BCAR3: variants seen among roughly 807,000 people sequenced by gnomAD.
BCAR3 encodes BCAR3 adaptor protein, NSP family member, also known as breast cancer anti-estrogen resistance protein 3.
A neutral mutation model predicts 80.1 loss-of-function variants in BCAR3; 37 were observed. The observed-to-expected ratio is 0.46, with a 90% CI of 0.36 to 0.61. The LOEUF is 0.61. BCAR3 is among the 20% of genes least tolerant of loss of function. The probability of loss-of-function intolerance (pLI) is 0.00; values close to 1 mark genes in which losing one functional copy is unlikely to be tolerated. For missense variants in BCAR3, 978 were observed against 1,068.2 expected, an observed-to-expected ratio of 0.92 and a Z score of 1.18; for synonymous variants, 389 against 418.9, an observed-to-expected ratio of 0.93 and a Z score of 0.87.
intron 2 of BCAR3, among the ~76,000 whole-genome samples, chr1:93,756,421 G>A (rs544900374): frequency 6.6e-6 from 1 of 152,252 alleles, no homozygotes; most frequent in African/African-American, 2.4e-5. Flanking sequence ...CATGGGACAC[G>A]AATGGCTGGT....
At chr1:93,654,907 C>A (rs1322632396) in intron 2 of BCAR3, among the ~76,000 whole-genome samples, 1 of 152,112 alleles carries the variant, frequency 6.6e-6, no homozygotes, top group Non-Finnish European at 1.5e-5. Flanking sequence ...TCCATCATAC[C>A]TGATATTATA....
chr1:93,628,318 AC>A (rs1675509822), intron 3 of BCAR3, among the ~76,000 whole-genome samples: 1 of 152,048 alleles, frequency 6.6e-6, no homozygotes, highest in Non-Finnish European at 1.5e-5. Flanking sequence ...CTGGACAATC[AC>A]AGTAGCCTCC....
chr1:93,782,010 A>G (rs1652778064), intron 2 of BCAR3, among the ~76,000 whole-genome samples: 2 of 152,324 alleles, frequency 1.3e-5, no homozygotes, highest in African/African-American at 4.8e-5. Context: ...ACTGAGTGTC[A>G]AAGCCAGGGA....
chr1:93,778,956 G>A (rs1188396528), intron 2 of BCAR3, among the ~76,000 whole-genome samples: 1 of 152,082 alleles, frequency 6.6e-6, no homozygotes, highest in African/African-American at 2.4e-5. Flanking sequence ...GCTTTGGTGT[G>A]GGGTCATGGT....
chr1:93,628,542 G>A (rs771757290), intron 3 of BCAR3, among the ~76,000 whole-genome samples: 8 of 152,140 alleles, frequency 5.3e-5, no homozygotes, highest in Non-Finnish European at 8.8e-5. Flanking sequence ...TGGAAGAGGC[G>A]GACCCTGGCT....
chr1:93,820,815 C>G (rs777999014), intron 2 of BCAR3, among the ~76,000 whole-genome samples: 6 of 152,136 alleles, frequency 3.9e-5, no homozygotes, highest in Non-Finnish European at 5.9e-5. Flanking sequence ...ACCCTCTAAT[C>G]GTAAGCTTGA....
intron 2 of BCAR3, among the ~76,000 whole-genome samples, chr1:93,737,905 T>C (rs1651032641): frequency 6.6e-6 from 1 of 152,198 alleles, no homozygotes; most frequent in African/African-American, 2.4e-5. Context: ...TGATCATAGC[T>C]CACTGTAACC....
At chr1:93,837,939 T>C (rs762277189) in intron 2 of BCAR3, among the ~76,000 whole-genome samples, 2 of 152,228 alleles carry the variant, frequency 1.3e-5, no homozygotes, top group African/African-American at 2.4e-5. Context: ...AACACTCACA[T>C]GAGTCATGTT....
chr1:93,570,576 C>T (rs1352767497), intron 9 of BCAR3, among the ~76,000 whole-genome samples: 2 of 152,160 alleles, frequency 1.3e-5, no homozygotes, highest in South Asian at 2.1e-4. Flanking sequence ...ATTCAAATGC[C>T]CAGTTTCAGA....
intron 2 of BCAR3, among the ~76,000 whole-genome samples, chr1:93,656,610 C>CTT (rs34484122): frequency 1.7e-4 from 23 of 138,208 alleles, no homozygotes; most frequent in East Asian, 4.2e-4. Context: ...TATCTGAAGT[C>CTT]TTTTTTTTTT....
intron 3 of BCAR3, among the ~76,000 whole-genome samples, chr1:93,608,208 A>C (rs1007274830): frequency 6.6e-6 from 1 of 152,238 alleles, no homozygotes; most frequent in Non-Finnish European, 1.5e-5. Flanking sequence ...ATAGGCCATA[A>C]GATTCTCATG....
At chr1:93,809,442 C>T (rs17110526) in intron 2 of BCAR3, among the ~76,000 whole-genome samples, 21,463 of 151,880 alleles carry the variant, frequency 0.14, 2,465 homozygotes, top group African/African-American at 0.31. Flanking sequence ...CTATTTCTCA[C>T]GATAAAGTCT....
At chr1:93,834,793 T>C (rs924514064) in intron 2 of BCAR3, among the ~76,000 whole-genome samples, 1 of 152,236 alleles carries the variant, frequency 6.6e-6, no homozygotes, top group African/African-American at 2.4e-5. Context: ...ACTCACTCTT[T>C]GTTGAGTCTC....
chr1:93,617,749 T>C (rs908307376), intron 3 of BCAR3, among the ~76,000 whole-genome samples: 6 of 152,216 alleles, frequency 3.9e-5, no homozygotes, highest in South Asian at 4.1e-4. Context: ...AGCTCCATCT[T>C]TCCTGGTGCC....
chr1:93,706,256 A>G (rs1411027729), intron 2 of BCAR3: 1 of 152,220 alleles, frequency 6.6e-6, no homozygotes, highest in Non-Finnish European at 1.5e-5. Context: ...CCTGGACCTC[A>G]GCCTGGTTGG....
At chr1:93,588,295 C>T (rs750384254) in intron 5 of BCAR3, among the ~76,000 whole-genome samples, 5 of 152,112 alleles carry the variant, frequency 3.3e-5, no homozygotes, top group African/African-American at 7.2e-5. Context: ...GACTCTACCA[C>T]GTGAAGAAGA....
intron 2 of BCAR3, among the ~76,000 whole-genome samples, chr1:93,787,627 T>C (rs1032979639): frequency 6.6e-6 from 1 of 152,224 alleles, no homozygotes; most frequent in Non-Finnish European, 1.5e-5. Flanking sequence ...GTTTTGAGAG[T>C]TCCTTTTGGA....
chr1:93,593,093 A>G (rs528985464), intron 3 of BCAR3, among the ~76,000 whole-genome samples: 2 of 152,254 alleles, frequency 1.3e-5, no homozygotes, highest in African/African-American at 2.4e-5. Flanking sequence ...GGCGTTGCAC[A>G]GTGGCCATGG....
At chr1:93,664,912 A>T (rs911076495) in intron 2 of BCAR3, among the ~76,000 whole-genome samples, 3 of 151,754 alleles carry the variant, frequency 2.0e-5, no homozygotes, top group Admixed American at 2.0e-4. Context: ...CTCCAATCCC[A>T]CCAGTCCCAT....
Sources: allele counts gnomAD v4.1 joint callset (sites outside exome capture counted in the v4.1 genomes callset), GRCh38; gene constraint gnomAD v4.1.1; transcripts MANE v1.5; gene names NCBI Gene and HGNC (gene_info 2026-07-23, HGNC 2026-07-21).